MAOB: variants seen among roughly 807,000 people sequenced by gnomAD.
MAOB encodes amine oxidase [flavin-containing] B.
MAOB carries 15 observed loss-of-function variants against 41.9 expected under a neutral mutation model. The ratio of observed to expected loss-of-function variants is 0.36; its 90% CI spans 0.24 to 0.55. The LOEUF (loss-of-function observed/expected upper bound fraction) is 0.55, where lower values mean the gene tolerates loss of function less well. MAOB is among the 20% of genes least tolerant of loss of function. The pLI is 0.86. For missense variants in MAOB, 345 were observed against 398.7 expected (o/e 0.87, Z 1.15); for synonymous variants, 167 against 144.2 (o/e 1.16, Z -1.13).
intron 1 of MAOB, among the ~76,000 whole-genome samples, chrX:43,849,612 C>T (rs1446004867): frequency 2.7e-5 from 3 of 112,926 alleles, no homozygotes; most frequent in Non-Finnish European, 3.7e-5. Flanking sequence ...CTTCATCAGC[C>T]GAATGCCCTT....
intron 3 of MAOB, among the ~76,000 whole-genome samples, chrX:43,832,832 T>A (rs1329064225): frequency 9.0e-6 from 1 of 111,424 alleles, no homozygotes; most frequent in Non-Finnish European, 1.9e-5. Context: ...AAACTGTTTA[T>A]CCTACTTAAA....
chrX:43,793,727 T>C (rs1234375839), intron 7 of MAOB, 149 bp from the exon 8 acceptor site: 2 of 463,102 alleles, frequency 4.3e-6, no homozygotes, highest in Non-Finnish European at 7.1e-6. Context: ...CCCTTATTGT[T>C]CCTTAGTTCA....
chrX:43,820,047 C>T (rs1276428970), intron 3 of MAOB, among the ~76,000 whole-genome samples: 1 of 112,312 alleles, frequency 8.9e-6, no homozygotes, highest in Non-Finnish European at 1.9e-5. Flanking sequence ...ACAACAACTC[C>T]TATTATACAT....
At chrX:43,810,061 G>A (rs2034724475) in intron 3 of MAOB, among the ~76,000 whole-genome samples, 1 of 98,102 alleles carries the variant, frequency 1.0e-5, no homozygotes, top group Non-Finnish European at 1.9e-5. Flanking sequence ...GGCTAACACG[G>A]TGAAACCCCG....
chrX:43,775,528 A>G, intron 11 of MAOB, among the ~76,000 whole-genome samples: 1 of 111,946 alleles, frequency 8.9e-6, no homozygotes, highest in Admixed American at 9.5e-5. Flanking sequence ...ATAAATTGCG[A>G]TAATCTAATT....
At position 43,860,868 on chromosome X, in the gene MAOB, G is replaced by A. The variant is rs1184461424; in HGVS notation, c.47-17104C>T. 3.6e-5 allele frequency among the ~76,000 whole-genome samples: 4 copies of A among 110,984 alleles called. No individual in the cohort carries two copies. The Admixed American group carries it at 3.8e-4, about 11-fold the overall frequency. On this transcript the variant is annotated intron_variant, in intron 1 of 14. Coordinates refer to ENST00000378069, the MANE Select transcript of MAOB (RefSeq NM_000898.5). ...AATGCAAGGGTTGTTCCCACCATAG[G>A]GGATTTACAGTAACTGTTCCCACAT...
chrX:43,810,159 C>T (rs1287247924), intron 3 of MAOB, among the ~76,000 whole-genome samples: 1 of 87,873 alleles, frequency 1.1e-5, no homozygotes, highest in Non-Finnish European at 2.1e-5. Flanking sequence ...AGGAGAATGG[C>T]GTGAACCCAG....
chrX:43,860,615 CCTTT>C (rs1374800001), intron 1 of MAOB, among the ~76,000 whole-genome samples: 1 of 111,591 alleles, frequency 9.0e-6, no homozygotes, highest in Non-Finnish European at 1.9e-5. Flanking sequence ...TCAATTCTTG[CCTTT>C]CTAAGATATC....
intron 1 of MAOB, among the ~76,000 whole-genome samples, chrX:43,851,657 C>A (rs1255293231): frequency 1.8e-5 from 2 of 111,578 alleles, no homozygotes; most frequent in Non-Finnish European, 3.8e-5. Context: ...CTCCCCAGAT[C>A]CCATTTTGTG....
intron 1 of MAOB, among the ~76,000 whole-genome samples, chrX:43,870,532 AC>A (rs1033847266): frequency 9.0e-6 from 1 of 111,193 alleles, no homozygotes; most frequent in African/African-American, 3.3e-5. Flanking sequence ...GCGGTGGCTC[AC>A]GCCTGTAATC....
At position 43,808,699 on chromosome X, in the gene MAOB, G is replaced by GACACACACACACACACAC. The variant is rs147523888; in HGVS notation, c.280-5313_280-5296dup. Reference sequence around the variant, plus strand: ...ATATCTATATCTATATCTACACATAGACACACACACACACACACACACACA... The same window carrying GACACACACACACACACAC: ...ATATCTATATCTATATCTACACATAGACACACACACACACACACACACACACACACACACACACACACA... On this transcript the variant is annotated intron_variant, in intron 3 of 14. Coordinates refer to ENST00000378069, the MANE Select transcript of MAOB (RefSeq NM_000898.5). Among the ~76,000 whole-genome samples, 248 of 87,628 alleles carry GACACACACACACACACAC rather than the reference G, an allele frequency of 2.8e-3. 1 individual carries two copies. The highest frequency in any genetic ancestry group is 7.0e-3 in the African/African-American group (176 of 25,020). The allele number at this position is 87,628 out of a possible 115,157, so 76.1% of individuals were successfully genotyped here.
At chrX:43,875,512 A>G (rs2035433913) in intron 1 of MAOB, among the ~76,000 whole-genome samples, 1 of 112,127 alleles carries the variant, frequency 8.9e-6, no homozygotes, top group Non-Finnish European at 1.9e-5. Flanking sequence ...ATGCAGACAC[A>G]CTACTAATAA....
chrX:43,853,230 T>C (rs1281281154), intron 1 of MAOB, among the ~76,000 whole-genome samples: 18 of 90,246 alleles, frequency 2.0e-4, no homozygotes, highest in Non-Finnish European at 2.9e-4. Flanking sequence ...ATCGCACCAC[T>C]GCACTCCAGC....
intron 3 of MAOB, among the ~76,000 whole-genome samples, chrX:43,815,071 A>T (rs1458184880): frequency 2.7e-5 from 3 of 110,892 alleles, no homozygotes; most frequent in Non-Finnish European, 3.8e-5. Flanking sequence ...GGGTTTTATG[A>T]CCCTAATTCT....
intron 14 of MAOB, among the ~76,000 whole-genome samples, chrX:43,768,149 G>A (rs1451822086): frequency 3.6e-5 from 4 of 111,938 alleles, no homozygotes; most frequent in South Asian, 3.8e-4. Context: ...TCTAAAGTGC[G>A]TTTGCACTCT....
chrX:43,807,779 T>C (rs189460698), intron 3 of MAOB, among the ~76,000 whole-genome samples: 1 of 112,438 alleles, frequency 8.9e-6, no homozygotes, highest in Non-Finnish European at 1.9e-5. Context: ...ATAATCTTTG[T>C]ATGCCTAGGA....
chrX:43,872,350 A>G (rs1201669871), intron 1 of MAOB, among the ~76,000 whole-genome samples: 1 of 112,047 alleles, frequency 8.9e-6, no homozygotes, highest in Non-Finnish European at 1.9e-5. Context: ...AAACTGGTGA[A>G]GAATCTTGAT....
chrX:43,803,241 T>A, intron 4 of MAOB, 59 bp downstream of exon 4: 1 of 1,025,070 alleles, frequency 9.8e-7, no homozygotes, highest in Non-Finnish European at 1.3e-6. Flanking sequence ...TTACTTTCTT[T>A]CTTTGAAGGA....
intron 3 of MAOB, among the ~76,000 whole-genome samples, chrX:43,813,825 G>T (rs2034776942): frequency 9.0e-6 from 1 of 111,582 alleles, no homozygotes. Flanking sequence ...TTATATTCTA[G>T]TAGGTATAAA....
Sources: gnomAD v4.1 joint callset for allele counts (sites outside exome capture counted in the v4.1 genomes callset) on GRCh38, gnomAD v4.1.1 for gene constraint, MANE v1.5 for transcripts, NCBI Gene and HGNC (gene_info 2026-07-23, HGNC 2026-07-21) for gene names.